The following NAV2 variants were observed in gnomAD, a reference collection of about 807,000 sequenced individuals.
NAV2 encodes neuron navigator 2, also known as helicase, APC down-regulated 1.
NAV2 carries 54 observed loss-of-function variants against 223.2 expected under a neutral mutation model. The ratio of observed to expected loss-of-function variants is 0.24; its 90% CI spans 0.19 to 0.30. The LOEUF (loss-of-function observed/expected upper bound fraction) is 0.30, where lower values mean the gene tolerates loss of function less well. Ranked by LOEUF, NAV2 falls within the 10% of genes least tolerant of loss-of-function variation. NAV2 has a pLI of 1.00. For missense variants in NAV2, 2,806 were observed against 3,147.5 expected (o/e 0.89, Z 2.60); for synonymous variants, 1,279 against 1,239.3 (o/e 1.03, Z -0.67).
At chr11:19,551,392 G>A (rs554668097) in intron 1 of NAV2, among the ~76,000 whole-genome samples, 1 of 152,330 alleles carries the variant, frequency 6.6e-6, no homozygotes, top group South Asian at 2.1e-4. Context: ...GAGCCTCAGA[G>A]AGGTCAAGGG....
chr11:19,407,330 G>T (rs1018131459), intron 1 of NAV2, among the ~76,000 whole-genome samples: 1 of 152,148 alleles, frequency 6.6e-6, no homozygotes, highest in Non-Finnish European at 1.5e-5. Flanking sequence ...AGGCTGACAA[G>T]CAGCACCGAA....
At chr11:20,088,508 AG>A (rs1208195161) in intron 26 of NAV2, among the ~76,000 whole-genome samples, 2 of 152,200 alleles carry the variant, frequency 1.3e-5, no homozygotes, top group African/African-American at 4.8e-5. Flanking sequence ...TCTACGTTAT[AG>A]GGCATCTGTC....
At chr11:20,037,834 T>C (rs1233695031) in intron 12 of NAV2, among the ~76,000 whole-genome samples, 1 of 152,160 alleles carries the variant, frequency 6.6e-6, no homozygotes, top group East Asian at 1.9e-4. Flanking sequence ...CCTTTCCTTG[T>C]GAACACTAAT....
chr11:19,619,680 A>G (rs2046923172), intron 1 of NAV2, among the ~76,000 whole-genome samples: 1 of 152,126 alleles, frequency 6.6e-6, no homozygotes, highest in African/African-American at 2.4e-5. Flanking sequence ...AGATGGGTAT[A>G]TTGCAAAAAT....
chr11:19,379,326 T>C (rs575570478), intron 1 of NAV2, among the ~76,000 whole-genome samples: 1 of 152,156 alleles, frequency 6.6e-6, no homozygotes, highest in African/African-American at 2.4e-5. Flanking sequence ...GAGAGAACTA[T>C]TAATATTTAG....
intron 1 of NAV2, among the ~76,000 whole-genome samples, chr11:19,470,659 A>G (rs576840858): frequency 5.3e-5 from 8 of 152,114 alleles, no homozygotes; most frequent in African/African-American, 1.9e-4. Flanking sequence ...TACATAGGGG[A>G]TTAAGTTTTC....
chr11:19,918,687 G>A (rs1477516093), intron 6 of NAV2, among the ~76,000 whole-genome samples: 1 of 152,124 alleles, frequency 6.6e-6, no homozygotes, highest in Non-Finnish European at 1.5e-5. Context: ...TATATATTTT[G>A]TTATCTTGAG....
intron 1 of NAV2, among the ~76,000 whole-genome samples, chr11:19,467,018 C>CACACACAGAGAGAG (rs982297137): frequency 1.2e-5 from 1 of 82,348 alleles, no homozygotes; most frequent in African/African-American, 4.0e-5. Flanking sequence ...CACACACACA[C>CACACACAGAGAGAG]AGAGAGAGAG....
At chr11:19,959,188 G>GCCTCTCAGT (rs2048147216) in intron 10 of NAV2, among the ~76,000 whole-genome samples, 1 of 152,124 alleles carries the variant, frequency 6.6e-6, no homozygotes, top group South Asian at 2.1e-4. Flanking sequence ...GGCCTCTCAG[G>GCCTCTCAGT]CCACCCCCAG....
chr11:19,548,408 C>G (rs2044574413), intron 1 of NAV2, among the ~76,000 whole-genome samples: 1 of 152,146 alleles, frequency 6.6e-6, no homozygotes, highest in Non-Finnish European at 1.5e-5. Context: ...GTGCTTACCT[C>G]CATTTCGCAG....
intron 8 of NAV2, among the ~76,000 whole-genome samples, chr11:19,944,303 C>T (rs925800756): frequency 1.3e-5 from 2 of 152,222 alleles, no homozygotes; most frequent in African/African-American, 4.8e-5. Flanking sequence ...TACACTAGTG[C>T]CAGCTCAGCT....
chr11:19,937,690 C>T (rs2046032984), intron 7 of NAV2, among the ~76,000 whole-genome samples: 2 of 152,208 alleles, frequency 1.3e-5, no homozygotes, highest in Admixed American at 1.3e-4. Context: ...ACTTCCAAGT[C>T]TAATGTTCCT....
At chr11:19,963,260 G>T (rs539144532) in intron 10 of NAV2, among the ~76,000 whole-genome samples, 1 of 152,010 alleles carries the variant, frequency 6.6e-6, no homozygotes, top group Non-Finnish European at 1.5e-5. Context: ...ACTGTTTCTC[G>T]TCCCAGTTTT....
chr11:20,033,294 T>A (rs1021544306), intron 11 of NAV2, among the ~76,000 whole-genome samples: 1 of 152,214 alleles, frequency 6.6e-6, no homozygotes, highest in Non-Finnish European at 1.5e-5. Context: ...GATAAGCACT[T>A]AGTTGTTATC....
chr11:19,983,468 C>T (rs530562539), intron 10 of NAV2, among the ~76,000 whole-genome samples: 11 of 152,280 alleles, frequency 7.2e-5, no homozygotes, highest in East Asian at 1.9e-4. Flanking sequence ...TCGTGACAAC[C>T]GTAATGTCTT....
chr11:19,938,225 C>T (rs1314126123), intron 7 of NAV2, among the ~76,000 whole-genome samples: 5 of 152,108 alleles, frequency 3.3e-5, no homozygotes, highest in African/African-American at 4.8e-5. Context: ...TGGAAACCAC[C>T]GAAGACAGTG....
At chr11:19,715,577 A>C (rs776521116) in intron 1 of NAV2, among the ~76,000 whole-genome samples, 19 of 152,062 alleles carry the variant, frequency 1.2e-4, no homozygotes, top group Non-Finnish European at 4.4e-5. Flanking sequence ...CCATGCTGGG[A>C]TTGTTCATAT....
chr11:19,595,976 C>G (rs970431547), intron 1 of NAV2, among the ~76,000 whole-genome samples: 10 of 152,294 alleles, frequency 6.6e-5, no homozygotes, highest in South Asian at 2.1e-4. Flanking sequence ...ATTCCTAAAA[C>G]AATACTCATC....
exon 1 of NAV2, chr11:19,350,797 A>G: frequency 1.4e-6 from 1 of 695,820 alleles, no homozygotes; most frequent in East Asian, 2.8e-5. Flanking sequence ...GTGGATTTTA[A>G]GAAGACAGGA....
Sources: gnomAD v4.1 joint callset for allele counts (sites outside exome capture counted in the v4.1 genomes callset) on GRCh38, gnomAD v4.1.1 for gene constraint, MANE v1.5 for transcripts, NCBI Gene and HGNC (gene_info 2026-07-23, HGNC 2026-07-21) for gene names.